PCMTD1: variants seen among roughly 807,000 people sequenced by gnomAD.
PCMTD1 encodes the protein protein-L-isoaspartate O-methyltransferase domain-containing protein 1.
A neutral mutation model predicts 37.6 loss-of-function variants in PCMTD1; 12 were observed. That is an observed-to-expected ratio of 0.32 (90% CI 0.20 to 0.52). The LOEUF is 0.52. Among genes scored for constraint, PCMTD1 ranks in the 20% least tolerant of loss-of-function variants. The probability of loss-of-function intolerance (pLI) is 0.97; values close to 1 mark genes in which losing one functional copy is unlikely to be tolerated. For synonymous variants in PCMTD1, 117 were observed against 135.8 expected (o/e 0.86, Z 0.96); for missense variants, 235 against 421.3 (o/e 0.56, Z 3.87).
intron 2 of PCMTD1, among the ~76,000 whole-genome samples, chr8:51,845,970 T>G (rs2038212563): frequency 6.6e-6 from 1 of 152,138 alleles, no homozygotes; most frequent in African/African-American, 2.4e-5. Flanking sequence ...AAAGTTCGCC[T>G]GAGTTTTCTA....
chr8:51,893,581 T>C (rs1585864508), intron 1 of PCMTD1, among the ~76,000 whole-genome samples: 3 of 152,194 alleles, frequency 2.0e-5, no homozygotes, highest in South Asian at 2.1e-4. Flanking sequence ...ATTAGAAAAC[T>C]TGTCTGACTC....
chr8:51,828,704 A>AT, intron 5 of PCMTD1, among the ~76,000 whole-genome samples: 1 of 152,360 alleles, frequency 6.6e-6, no homozygotes, highest in Non-Finnish European at 1.5e-5. Context: ...TAGTTCCACC[A>AT]TAAGTCAAGG....
chr8:51,880,579 C>T (rs2038777498), intron 1 of PCMTD1, among the ~76,000 whole-genome samples: 6 of 152,176 alleles, frequency 3.9e-5, no homozygotes, highest in Admixed American at 3.9e-4. Flanking sequence ...CGTACATGAA[C>T]AACCTTTTCA....
At chr8:51,824,654 T>A (rs2037897309) in intron 5 of PCMTD1, among the ~76,000 whole-genome samples, 2 of 152,178 alleles carry the variant, frequency 1.3e-5, no homozygotes, top group African/African-American at 2.4e-5. Flanking sequence ...GCTATCCCCA[T>A]CAAGCTACCA....
At chr8:51,836,780 C>T (rs996215009) in intron 3 of PCMTD1, among the ~76,000 whole-genome samples, 27 of 152,048 alleles carry the variant, frequency 1.8e-4, no homozygotes, top group Middle Eastern at 3.2e-3. Flanking sequence ...TGCTGTGTTG[C>T]CCAGGCTTGT....
chr8:51,841,461 T>C (rs1353545381), intron 3 of PCMTD1, among the ~76,000 whole-genome samples: 1 of 152,188 alleles, frequency 6.6e-6, no homozygotes, highest in African/African-American at 2.4e-5. Context: ...AGGGGACGAA[T>C]ATAGGATCTA....
At chr8:51,829,976 A>T (rs1188648469) in intron 5 of PCMTD1, among the ~76,000 whole-genome samples, 3 of 152,130 alleles carry the variant, frequency 2.0e-5, no homozygotes. Context: ...CCTCATGGTT[A>T]AAAAAACTAT....
intron 1 of PCMTD1, among the ~76,000 whole-genome samples, chr8:51,889,106 T>C (rs984843141): frequency 3.3e-5 from 5 of 152,206 alleles, no homozygotes; most frequent in African/African-American, 1.2e-4. Context: ...TTTGTTGTTA[T>C]TGTTAACTCC....
chr8:51,827,109 C>A, intron 5 of PCMTD1: 2 of 1,003,204 alleles, frequency 2.0e-6, no homozygotes, highest in African/African-American at 3.5e-5. Context: ...TTCTACACAC[C>A]CACAAAAACT....
intron 1 of PCMTD1, among the ~76,000 whole-genome samples, chr8:51,896,896 A>AG (rs1252297712): frequency 2.6e-5 from 4 of 151,870 alleles, no homozygotes; most frequent in Non-Finnish European, 5.9e-5. Context: ...AAAAAAAAAA[A>AG]AAGCAATGGG....
intron 2 of PCMTD1, among the ~76,000 whole-genome samples, chr8:51,846,577 G>A (rs1244720355): frequency 6.6e-6 from 1 of 152,152 alleles, no homozygotes; most frequent in Admixed American, 6.6e-5. Flanking sequence ...AGCCAACCAG[G>A]TTTTCCACTC....
intron 4 of PCMTD1, among the ~76,000 whole-genome samples, chr8:51,831,800 C>A (rs903317562): frequency 1.3e-5 from 2 of 152,148 alleles, no homozygotes; most frequent in Non-Finnish European, 2.9e-5. Context: ...TCAAATATGG[C>A]CAAGTGAGTC....
intron 1 of PCMTD1, among the ~76,000 whole-genome samples, chr8:51,873,260 G>C (rs2038663387): frequency 6.6e-6 from 1 of 151,934 alleles, no homozygotes; most frequent in Non-Finnish European, 1.5e-5. Context: ...TACTTGTTCT[G>C]GATTTCCCAT....
At chr8:51,866,808 A>G (rs1332936688) in intron 1 of PCMTD1, among the ~76,000 whole-genome samples, 4 of 152,102 alleles carry the variant, frequency 2.6e-5, no homozygotes. Context: ...AAGCTTCTGT[A>G]CAGTAAAGCT....
chr8:51,818,077 A>G lies in PCMTD1; in HGVS notation c.*2274T>C, dbSNP rs1244891483. On this transcript the variant is annotated 3_prime_UTR_variant, in exon 6 of 6. Coordinates refer to ENST00000522514, the MANE Select transcript of PCMTD1 (RefSeq NM_052937.4). ...AAAGCGTAATTTTCCATATCAAGTA[A>G]ACATAAATTCATTAAAAAATAAACA... The G allele has an allele frequency of 2.6e-6, 1 of 383,976 alleles. No homozygotes were observed. Among genetic ancestry groups the G allele is most frequent in the African/African-American group, 2.1e-5 (1 of 47,284 alleles). The allele number at this position is 383,976 out of a possible 1,614,324, so 23.8% of individuals were successfully genotyped here. A position where few individuals can be genotyped will look rare whatever the true frequency, so the allele number is the denominator to read the frequency against.
chr8:51,869,042 A>G (rs2038601370), intron 1 of PCMTD1, among the ~76,000 whole-genome samples: 1 of 150,078 alleles, frequency 6.7e-6, no homozygotes, highest in South Asian at 2.2e-4. Flanking sequence ...ATTCTACCAC[A>G]TGGATACAGC....
At chr8:51,878,079 T>C (rs967251854) in intron 1 of PCMTD1, among the ~76,000 whole-genome samples, 1 of 152,196 alleles carries the variant, frequency 6.6e-6, no homozygotes, top group African/African-American at 2.4e-5. Context: ...CTTGAAATTC[T>C]ATCAAAATAA....
chr8:51,875,940 T>TTGTGTG (rs71237255), intron 1 of PCMTD1, among the ~76,000 whole-genome samples: 8 of 151,224 alleles, frequency 5.3e-5, no homozygotes, highest in African/African-American at 2.0e-4. Context: ...AAAAATGTGT[T>TTGTGTG]TGTGTGTGTG....
chr8:51,873,242 G>A (rs532033084), intron 1 of PCMTD1, among the ~76,000 whole-genome samples: 1 of 152,274 alleles, frequency 6.6e-6, no homozygotes, highest in South Asian at 2.1e-4. Context: ...GACTGAGAAA[G>A]AGTAAATTAC....
Sources: allele counts gnomAD v4.1 joint callset (sites outside exome capture counted in the v4.1 genomes callset), GRCh38; gene constraint gnomAD v4.1.1; transcripts MANE v1.5; gene names NCBI Gene and HGNC (gene_info 2026-07-23, HGNC 2026-07-21).